TENM4: variants seen among roughly 807,000 people sequenced by gnomAD.
TENM4 encodes the protein teneurin-4.
Under a neutral mutation model 243.3 loss-of-function variants are expected in TENM4, and 82 were observed. That is an observed-to-expected ratio of 0.34 (90% CI 0.28 to 0.40). TENM4 has a LOEUF of 0.40. Ranked by LOEUF, TENM4 falls within the 10% of genes least tolerant of loss-of-function variation. The pLI is 1.00. For missense variants in TENM4, 3,138 were observed against 3,673.3 expected (o/e 0.85, Z 3.77); for synonymous variants, 1,412 against 1,456.3 (o/e 0.97, Z 0.69).
chr11:78,971,167 G>T (rs1367188006), intron 6 of TENM4, among the ~76,000 whole-genome samples: 1 of 142,352 alleles, frequency 7.0e-6, no homozygotes, highest in Non-Finnish European at 1.6e-5. Context: ...GGGATCATAG[G>T]TGTGAGCCAA....
chr11:79,049,153 G>C (rs1859735260), intron 6 of TENM4, among the ~76,000 whole-genome samples: 1 of 152,120 alleles, frequency 6.6e-6, no homozygotes, highest in South Asian at 2.1e-4. Context: ...TGCTGAATGG[G>C]AGCAGCACAC....
At chr11:78,758,457 T>G (rs1856360654) in intron 18 of TENM4, among the ~76,000 whole-genome samples, 1 of 152,188 alleles carries the variant, frequency 6.6e-6, no homozygotes, top group African/African-American at 2.4e-5. Context: ...CAAGACCAAG[T>G]ATGGCCCCCA....
chr11:78,957,239 C>A, intron 6 of TENM4, among the ~76,000 whole-genome samples: 1 of 152,158 alleles, frequency 6.6e-6, no homozygotes, highest in East Asian at 1.9e-4. Flanking sequence ...ACTTTACCTA[C>A]CCCAGTGTTC....
chr11:79,132,710 A>G (rs1288157781), intron 4 of TENM4, among the ~76,000 whole-genome samples: 1 of 152,202 alleles, frequency 6.6e-6, no homozygotes, highest in Non-Finnish European at 1.5e-5. Context: ...AACCATGAAA[A>G]AAACATGGAA....
chr11:79,162,485 A>G (rs1433827215), intron 3 of TENM4, among the ~76,000 whole-genome samples: 1 of 132,272 alleles, frequency 7.6e-6, no homozygotes, highest in Non-Finnish European at 1.7e-5. Flanking sequence ...TTATTTATTT[A>G]TTTATTATTA....
chr11:78,946,605 A>T (rs1857006426), intron 6 of TENM4, among the ~76,000 whole-genome samples: 1 of 152,242 alleles, frequency 6.6e-6, no homozygotes, highest in Non-Finnish European at 1.5e-5. Context: ...TAGCTGCCAT[A>T]GATAGTGATT....
intron 6 of TENM4, among the ~76,000 whole-genome samples, chr11:78,948,630 CAA>C (rs1490267972): frequency 6.6e-6 from 1 of 152,214 alleles, no homozygotes; most frequent in East Asian, 1.9e-4. Context: ...CTTGGCCTCC[CAA>C]AGTGCTGGGA....
chr11:79,321,640 CAAAAAAAAAAAA>C (rs60886884), intron 1 of TENM4, among the ~76,000 whole-genome samples: 1 of 82,216 alleles, frequency 1.2e-5, no homozygotes, highest in Non-Finnish European at 2.3e-5. Flanking sequence ...AGGAAATTAC[CAAAAAAAAAAAA>C]AAAAAAAAAA....
chr11:78,716,025 C>A (rs1378186570), intron 25 of TENM4, among the ~76,000 whole-genome samples: 1 of 152,218 alleles, frequency 6.6e-6, no homozygotes, highest in Non-Finnish European at 1.5e-5. Flanking sequence ...CACACATGAC[C>A]TCATTTTCTT....
At chr11:79,029,611 T>C (rs1859173431) in intron 6 of TENM4, among the ~76,000 whole-genome samples, 1 of 152,198 alleles carries the variant, frequency 6.6e-6, no homozygotes, top group Non-Finnish European at 1.5e-5. Context: ...CCAAGAGAAC[T>C]GAGTGATTTA....
At chr11:79,355,159 A>G (rs1050579733) in intron 1 of TENM4, among the ~76,000 whole-genome samples, 16 of 152,348 alleles carry the variant, frequency 1.1e-4, no homozygotes, top group Admixed American at 5.9e-4. Flanking sequence ...ATGTTGACCA[A>G]TCAAAACTCA....
At chr11:79,307,204 C>A (rs1160878476) in intron 1 of TENM4, among the ~76,000 whole-genome samples, 1 of 152,070 alleles carries the variant, frequency 6.6e-6, no homozygotes, top group Non-Finnish European at 1.5e-5. Context: ...ATGTGAATTG[C>A]CCCAGATGCA....
intron 1 of TENM4, among the ~76,000 whole-genome samples, chr11:79,402,784 G>C (rs1858489115): frequency 6.6e-6 from 1 of 152,172 alleles, no homozygotes; most frequent in Admixed American, 6.5e-5. Context: ...ATTCTCCAAG[G>C]CTTCTGACAA....
intron 4 of TENM4, among the ~76,000 whole-genome samples, chr11:79,083,455 C>A (rs1391257556): frequency 6.6e-6 from 1 of 152,198 alleles, no homozygotes; most frequent in Non-Finnish European, 1.5e-5. Flanking sequence ...ACCACACTCC[C>A]AAATTCTTAG....
intron 21 of TENM4, among the ~76,000 whole-genome samples, chr11:78,730,659 G>C (rs940587171): frequency 6.6e-6 from 1 of 152,236 alleles, no homozygotes; most frequent in African/African-American, 2.4e-5. Flanking sequence ...AGCTTGATGC[G>C]CTGGGCTCTG....
rs1055469923 is a variant in TENM4 at position 79,089,866 on chromosome 11, A to C, written c.-65-19857T>G. On this transcript the variant is annotated intron_variant, in intron 4 of 33. Transcript: ENST00000278550. Reference sequence around the variant, plus strand: ...GCTGTTGTGTTGCCATTTTATAGAAACTGAGAATCACAGAGGGCAAGGATT... The same window carrying C: ...GCTGTTGTGTTGCCATTTTATAGAACCTGAGAATCACAGAGGGCAAGGATT... Among the ~76,000 whole-genome samples the C allele has an allele frequency of 4.6e-5, 7 of 152,292 alleles. No homozygotes were observed. In the South Asian group the frequency reaches 1.2e-3, roughly 27 times the overall value.
At chr11:78,920,429 A>G (rs1162304485) in intron 6 of TENM4, among the ~76,000 whole-genome samples, 1 of 152,232 alleles carries the variant, frequency 6.6e-6, no homozygotes, top group Non-Finnish European at 1.5e-5. Flanking sequence ...AGGTGGACAG[A>G]CCATGACCTG....
chr11:79,127,167 G>C (rs562228078), intron 4 of TENM4, among the ~76,000 whole-genome samples: 2 of 152,156 alleles, frequency 1.3e-5, no homozygotes, highest in African/African-American at 4.8e-5. Flanking sequence ...GTAGTGTGAG[G>C]GCTATTATGG....
At chr11:78,863,580 A>G (rs1858880571) in intron 9 of TENM4, among the ~76,000 whole-genome samples, 1 of 152,250 alleles carries the variant, frequency 6.6e-6, no homozygotes, top group Admixed American at 6.5e-5. Context: ...CCATAATCAT[A>G]TGAAAAGACT....
Sources: allele counts gnomAD v4.1 joint callset (sites outside exome capture counted in the v4.1 genomes callset), GRCh38; gene constraint gnomAD v4.1.1; transcripts MANE v1.5; gene names NCBI Gene and HGNC (gene_info 2026-07-23, HGNC 2026-07-21).